GPHN: variants seen among roughly 807,000 people sequenced by gnomAD.
GPHN encodes the protein gephyrin.
Under a neutral mutation model 95.5 loss-of-function variants are expected in GPHN, and 17 were observed. The observed-to-expected ratio is 0.18, with a 90% CI of 0.12 to 0.27. The LOEUF is 0.27. Among genes scored for constraint, GPHN ranks in the 10% least tolerant of loss-of-function variants. The pLI is 1.00. For missense variants in GPHN, 660 were observed against 978.1 expected, an observed-to-expected ratio of 0.67 and a Z score of 4.34; for synonymous variants, 320 against 322.5, an observed-to-expected ratio of 0.99 and a Z score of 0.08.
intron 10 of GPHN, among the ~76,000 whole-genome samples, chr14:67,049,352 G>A (rs199875978): frequency 9.0e-5 from 13 of 144,928 alleles, no homozygotes; most frequent in Non-Finnish European, 6.1e-5. Context: ...CTCAGCCTCC[G>A]GAGTAGCTGG....
chr14:67,694,507 C>T, the GPHN span, among the ~76,000 whole-genome samples: 16 of 128,676 alleles, frequency 1.2e-4, no homozygotes, highest in African/African-American at 3.1e-4. Flanking sequence ...TATATATATA[C>T]ACACATATAT....
chr14:67,075,767 T>C (rs1450504143), intron 11 of GPHN, among the ~76,000 whole-genome samples: 1 of 152,140 alleles, frequency 6.6e-6, no homozygotes, highest in Non-Finnish European at 1.5e-5. Flanking sequence ...GAATTAGAGA[T>C]GAAACCTGAA....
At chr14:67,367,060 A>G in the GPHN span, among the ~76,000 whole-genome samples, 1 of 152,140 alleles carries the variant, frequency 6.6e-6, no homozygotes, top group Non-Finnish European at 1.5e-5. Flanking sequence ...CCCTAAGTCT[A>G]TATAAATTCT....
intron 2 of GPHN, among the ~76,000 whole-genome samples, chr14:66,685,889 G>T (rs1369230869): frequency 1.1e-4 from 17 of 152,218 alleles, no homozygotes; most frequent in East Asian, 1.9e-4. Context: ...GGTCTAACAT[G>T]TAAGTCTTTA....
At chr14:67,202,352 A>G in the GPHN span, among the ~76,000 whole-genome samples, 1 of 152,122 alleles carries the variant, frequency 6.6e-6, no homozygotes, top group African/African-American at 2.4e-5. Context: ...GAGACAGGAG[A>G]ATCATTTGAA....
At chr14:66,673,814 C>T (rs1163603456) in intron 1 of GPHN, among the ~76,000 whole-genome samples, 3 of 151,916 alleles carry the variant, frequency 2.0e-5, no homozygotes, top group South Asian at 2.1e-4. Flanking sequence ...TTTTACTGCC[C>T]GAGAAAGTCT....
chr14:66,720,080 A>G (rs926705967), intron 2 of GPHN, among the ~76,000 whole-genome samples: 3 of 152,188 alleles, frequency 2.0e-5, no homozygotes, highest in African/African-American at 7.2e-5. Flanking sequence ...AATCTAAATT[A>G]TTGTTTATCT....
At chr14:67,091,597 GGA>G (rs1325809655) in intron 12 of GPHN, among the ~76,000 whole-genome samples, 2 of 151,758 alleles carry the variant, frequency 1.3e-5, no homozygotes. Flanking sequence ...ACATAATGTG[GGA>G]GAGAGTGAGA....
intron 2 of GPHN, among the ~76,000 whole-genome samples, chr14:66,688,072 C>G (rs966251349): frequency 2.0e-5 from 3 of 151,970 alleles, no homozygotes. Flanking sequence ...AAACAGTTGA[C>G]TAACACATAT....
chr14:67,323,907 G>C, the GPHN span: 1 of 669,028 alleles, frequency 1.5e-6, no homozygotes, highest in Non-Finnish European at 2.6e-6. Context: ...ACATTAGCTT[G>C]AGCTTTCAAA....
At chr14:66,655,687 G>T (rs551882080) in intron 1 of GPHN, among the ~76,000 whole-genome samples, 1 of 151,410 alleles carries the variant, frequency 6.6e-6, no homozygotes, top group East Asian at 1.9e-4. Context: ...CTGGTCTTTG[G>T]GGAAAGCATT....
At chr14:67,359,090 G>A in the GPHN span, among the ~76,000 whole-genome samples, 1 of 152,174 alleles carries the variant, frequency 6.6e-6, no homozygotes, top group East Asian at 1.9e-4. Flanking sequence ...GAAACACAGG[G>A]ATATCCTCTC....
chr14:67,502,168 T>C, the GPHN span, among the ~76,000 whole-genome samples: 1 of 151,824 alleles, frequency 6.6e-6, no homozygotes, highest in Non-Finnish European at 1.5e-5. Flanking sequence ...CCCTGTCTAC[T>C]AAAAATACAA....
the GPHN span, among the ~76,000 whole-genome samples, chr14:67,430,249 G>A: frequency 3.3e-5 from 5 of 152,156 alleles, no homozygotes; most frequent in Non-Finnish European, 7.3e-5. Context: ...CTTGAACCCT[G>A]TATACTCAGG....
intron 1 of GPHN, among the ~76,000 whole-genome samples, chr14:66,509,947 C>T (rs1017931511): frequency 6.6e-6 from 1 of 152,076 alleles, no homozygotes; most frequent in African/African-American, 2.4e-5. Flanking sequence ...CCTTTTTTCT[C>T]TTTTAAGTAA....
chr14:67,498,154 G>C, the GPHN span, among the ~76,000 whole-genome samples: 1 of 152,132 alleles, frequency 6.6e-6, no homozygotes, highest in African/African-American at 2.4e-5. Context: ...CGCCTTTACA[G>C]ATTAATCTCT....
At chr14:67,165,265 A>C in intron 20 of GPHN, 39 bp downstream of exon 20, 1 of 1,440,852 alleles carries the variant, frequency 6.9e-7, no homozygotes. Context: ...TTTTCTGGAA[A>C]AATAGCCAAA....
At chr14:66,704,155 C>T (rs975830782) in intron 2 of GPHN, among the ~76,000 whole-genome samples, 3 of 152,118 alleles carry the variant, frequency 2.0e-5, no homozygotes, top group African/African-American at 4.8e-5. Context: ...TACAGGTGCA[C>T]TCAGATTTAT....
intron 1 of GPHN, among the ~76,000 whole-genome samples, chr14:66,567,513 G>A (rs1459409562): frequency 6.6e-6 from 1 of 152,130 alleles, no homozygotes; most frequent in Non-Finnish European, 1.5e-5. Context: ...AGTACATTGT[G>A]GGTTCTCAGT....
Sources: allele counts gnomAD v4.1 joint callset (sites outside exome capture counted in the v4.1 genomes callset), GRCh38; gene constraint gnomAD v4.1.1; transcripts MANE v1.5; gene names NCBI Gene and HGNC (gene_info 2026-07-23, HGNC 2026-07-21).